The following NCKAP5 variants were observed in gnomAD, a reference collection of about 807,000 sequenced individuals.
The protein encoded by NCKAP5 is nck-associated protein 5.
Under a neutral mutation model 167.0 loss-of-function variants are expected in NCKAP5, and 92 were observed. The observed-to-expected ratio is 0.55, with a 90% CI of 0.47 to 0.66. The LOEUF is 0.66. NCKAP5 is among the 30% of genes least tolerant of loss of function. The probability of loss-of-function intolerance (pLI) is 0.00; values close to 1 mark genes in which losing one functional copy is unlikely to be tolerated. For missense variants in NCKAP5, 2,378 were observed against 2,315.0 expected, an observed-to-expected ratio of 1.03 and a Z score of -0.56; for synonymous variants, 891 against 877.4, an observed-to-expected ratio of 1.02 and a Z score of -0.27.
At chr2:133,289,484 G>C (rs775457559) in intron 4 of NCKAP5, among the ~76,000 whole-genome samples, 5 of 152,080 alleles carry the variant, frequency 3.3e-5, no homozygotes, top group African/African-American at 1.2e-4. Flanking sequence ...GCTCATGTCT[G>C]TAATCCTAGC....
In NCKAP5 at chr2:133,159,995, C is replaced by T. The variant is rs569286679; in HGVS notation, c.208-29884G>A. Among the ~76,000 whole-genome samples, 4 of 152,226 alleles carry T rather than the reference C, an allele frequency of 2.6e-5. No homozygotes were observed. The South Asian group carries it at 8.3e-4, about 32-fold the overall frequency. On this transcript the variant is annotated intron_variant, in intron 5 of 19. Transcript: ENST00000409261. ...ATGTAGTCCCTCTCTCCATCTTCTC[C>T]CCATCTGGTCTTCAATCAGAGTACC...
At chr2:133,215,214 T>C in intron 4 of NCKAP5, among the ~76,000 whole-genome samples, 1 of 152,204 alleles carries the variant, frequency 6.6e-6, no homozygotes, top group Non-Finnish European at 1.5e-5. Flanking sequence ...AGAAAGCTCC[T>C]GTGTGTTCTC....
intron 9 of NCKAP5, among the ~76,000 whole-genome samples, chr2:132,870,537 A>G (rs1464170083): frequency 6.6e-6 from 1 of 152,104 alleles, no homozygotes; most frequent in Non-Finnish European, 1.5e-5. Flanking sequence ...ATGGTCCTTG[A>G]CTTCAAAGAC....
At chr2:133,371,150 A>G (rs1004570323) in intron 3 of NCKAP5, among the ~76,000 whole-genome samples, 4 of 152,206 alleles carry the variant, frequency 2.6e-5, no homozygotes, top group African/African-American at 9.6e-5. Flanking sequence ...CTGACCAGCT[A>G]AGACCTTCAG....
intron 8 of NCKAP5, among the ~76,000 whole-genome samples, chr2:132,912,463 A>G (rs908736017): frequency 6.6e-6 from 1 of 152,208 alleles, no homozygotes; most frequent in African/African-American, 2.4e-5. Context: ...GAGCCCGTCC[A>G]TGACATCATA....
rs559934794 is a variant in NCKAP5 at position 132,784,777 on chromosome 2, G to A, written c.2034C>T (p.Pro678=). 9 of 1,609,348 alleles carry A rather than the reference G, an allele frequency of 5.6e-6. No individual in the cohort carries two copies. The East Asian group carries it at 2.0e-4, about 36-fold the overall frequency. ...CAGTCTGGTGAGAGCTGAATTCAAT[G>A]GGCTCACCGTCTTCCGCATCAAATA... ...TVIFDAEDGE[P]IEFSSHQTGV... Residue 678 remains proline, a synonymous_variant, in exon 14 of 20, where the codon CCC becomes CCT. Transcript: ENST00000409261.
intron 3 of NCKAP5, among the ~76,000 whole-genome samples, chr2:133,462,192 C>T (rs372452629): frequency 6.6e-6 from 1 of 152,180 alleles, no homozygotes; most frequent in South Asian, 2.1e-4. Flanking sequence ...CCAGGCAGTA[C>T]AGTCAATTCC....
chr2:133,289,721 AC>A (rs1275966529), intron 4 of NCKAP5, among the ~76,000 whole-genome samples: 12 of 143,132 alleles, frequency 8.4e-5, no homozygotes, highest in Non-Finnish European at 1.6e-4. Context: ...AAACAAACAA[AC>A]AAACAAAAAA....
intron 4 of NCKAP5, among the ~76,000 whole-genome samples, chr2:133,293,365 C>A (rs1679733327): frequency 6.6e-6 from 1 of 152,158 alleles, no homozygotes; most frequent in African/African-American, 2.4e-5. Flanking sequence ...ACTCTAGGCA[C>A]CCCCTAATTA....
intron 3 of NCKAP5, among the ~76,000 whole-genome samples, chr2:133,493,005 A>G (rs891853897): frequency 2.6e-5 from 4 of 152,092 alleles, no homozygotes; most frequent in Admixed American, 1.3e-4. Context: ...GTCATTAACA[A>G]CCTCTGCACT....
At chr2:133,364,260 T>C (rs892231087) in intron 3 of NCKAP5, among the ~76,000 whole-genome samples, 7 of 152,220 alleles carry the variant, frequency 4.6e-5, no homozygotes, top group Non-Finnish European at 8.8e-5. Context: ...GGATTTGCAT[T>C]GACATGACTC....
At chr2:133,109,360 T>C (rs1188347977) in intron 6 of NCKAP5, among the ~76,000 whole-genome samples, 1 of 152,178 alleles carries the variant, frequency 6.6e-6, no homozygotes, top group Admixed American at 6.6e-5. Context: ...TAAATTAGTA[T>C]AATAAATCAA....
chr2:132,831,175 C>G (rs1405227548), intron 11 of NCKAP5, among the ~76,000 whole-genome samples: 3 of 152,160 alleles, frequency 2.0e-5, no homozygotes, highest in Non-Finnish European at 4.4e-5. Flanking sequence ...CACGGAAGAA[C>G]CATTCTTGGC....
At chr2:133,331,928 C>A (rs1333473545) in intron 3 of NCKAP5, among the ~76,000 whole-genome samples, 1 of 152,206 alleles carries the variant, frequency 6.6e-6, no homozygotes, top group Non-Finnish European at 1.5e-5. Context: ...GGGTTTCCAG[C>A]TGGTGGGAGT....
chr2:133,144,508 T>A (rs1253106639), intron 5 of NCKAP5, among the ~76,000 whole-genome samples: 9 of 152,134 alleles, frequency 5.9e-5, no homozygotes, highest in African/African-American at 2.2e-4. Flanking sequence ...CAGAACTGTC[T>A]TCTTACTGTT....
intron 8 of NCKAP5, among the ~76,000 whole-genome samples, chr2:132,899,016 C>G (rs1488220589): frequency 6.6e-6 from 1 of 152,204 alleles, no homozygotes; most frequent in Non-Finnish European, 1.5e-5. Flanking sequence ...CTTCTCCTCT[C>G]TAGCTATGAA....
chr2:132,916,788 G>T (rs1694914012), intron 8 of NCKAP5, among the ~76,000 whole-genome samples: 1 of 152,056 alleles, frequency 6.6e-6, no homozygotes. Flanking sequence ...CTCAAATGAT[G>T]ATTTTCTCAA....
intron 19 of NCKAP5, among the ~76,000 whole-genome samples, chr2:132,678,144 A>G (rs1684741015): frequency 6.6e-6 from 1 of 152,148 alleles, no homozygotes; most frequent in Admixed American, 6.5e-5. Context: ...TGATACAGAA[A>G]AACTCAAGTG....
chr2:132,849,960 T>C (rs1054949027), intron 11 of NCKAP5, among the ~76,000 whole-genome samples: 16 of 152,322 alleles, frequency 1.1e-4, no homozygotes, highest in African/African-American at 3.8e-4. Flanking sequence ...TCAGGACTCC[T>C]GGAATCGAGC....
Sources: allele counts gnomAD v4.1 joint callset (sites outside exome capture counted in the v4.1 genomes callset), GRCh38; gene constraint gnomAD v4.1.1; transcripts MANE v1.5; gene names NCBI Gene and HGNC (gene_info 2026-07-23, HGNC 2026-07-21).